PPP6R3: variants seen among roughly 807,000 people sequenced by gnomAD.
The protein encoded by PPP6R3 is protein phosphatase 6 regulatory subunit 3.
In PPP6R3, 38 loss-of-function variants were observed where a neutral mutation model predicts 110.7. The ratio of observed to expected loss-of-function variants is 0.34; its 90% confidence interval spans 0.26 to 0.45. PPP6R3 has a LOEUF of 0.45. PPP6R3 is among the 20% of genes least tolerant of loss of function. The pLI, the probability that PPP6R3 is intolerant of heterozygous loss-of-function variation, is 1.00. For missense variants in PPP6R3, 870 were observed against 1,062.4 expected (o/e 0.82, Z 2.52); for synonymous variants, 369 against 373.5 (o/e 0.99, Z 0.14).
intron 1 of PPP6R3, among the ~76,000 whole-genome samples, chr11:68,486,128 T>G (rs1591828784): frequency 6.6e-6 from 1 of 152,050 alleles, no homozygotes; most frequent in African/African-American, 2.4e-5. Flanking sequence ...TGGTATATAA[T>G]TTTTTATATA....
intron 22 of PPP6R3, among the ~76,000 whole-genome samples, chr11:68,604,003 TGA>T (rs1937846908): frequency 6.6e-6 from 1 of 152,098 alleles, no homozygotes; most frequent in African/African-American, 2.4e-5. Flanking sequence ...AACCTAAAAC[TGA>T]GAGAATAATG....
chr11:68,587,086 C>T (rs1054920426), intron 15 of PPP6R3: 1 of 152,028 alleles, frequency 6.6e-6, no homozygotes, highest in Non-Finnish European at 1.5e-5. Flanking sequence ...CTGATTAATA[C>T]GTAAGAACAT....
At chr11:68,599,001 T>C (rs1194719959) in intron 19 of PPP6R3, among the ~76,000 whole-genome samples, 1 of 152,204 alleles carries the variant, frequency 6.6e-6, no homozygotes, top group Non-Finnish European at 1.5e-5. Context: ...GCTAAGTGAA[T>C]AGTCATTATG....
intron 1 of PPP6R3, among the ~76,000 whole-genome samples, chr11:68,511,075 T>TC (rs1193675236): frequency 6.6e-6 from 1 of 151,874 alleles, no homozygotes; most frequent in Non-Finnish European, 1.5e-5. Context: ...GCATACTTTT[T>TC]TTTTTTTTTT....
In PPP6R3 at chr11:68,582,230, T is replaced by C. The variant is rs902006736; in HGVS notation, c.1546-813T>C. On this transcript the variant is annotated intron_variant, in intron 14 of 23. Coordinates refer to ENST00000393800, the MANE Select transcript of PPP6R3 (RefSeq NM_001164161.2). Reference sequence around the variant, plus strand: ...AAGTTACCCGCAGAAATATAGTACTTCTTTCTAGAAGTTTACAAACTGTCC... The same window carrying C: ...AAGTTACCCGCAGAAATATAGTACTCCTTTCTAGAAGTTTACAAACTGTCC... Among the ~76,000 whole-genome samples the C allele has an allele frequency of 2.6e-5, 4 of 152,348 alleles. No individual in the cohort carries two copies. In the South Asian group the frequency reaches 6.2e-4, roughly 24 times the overall value.
intron 22 of PPP6R3, among the ~76,000 whole-genome samples, chr11:68,607,029 GTC>G (rs1940498851): frequency 6.6e-6 from 1 of 152,142 alleles, no homozygotes; most frequent in Non-Finnish European, 1.5e-5. Context: ...CTTAACCCAA[GTC>G]TCTATAGAGA....
chr11:68,463,772 C>T (rs624003), intron 1 of PPP6R3, among the ~76,000 whole-genome samples: 57,342 of 152,058 alleles, frequency 0.38, 11,908 homozygotes, highest in African/African-American at 0.54. Context: ...AAATGATTGT[C>T]TTTTGATTTA....
intron 22 of PPP6R3, among the ~76,000 whole-genome samples, chr11:68,605,734 C>G (rs1939333721): frequency 6.6e-6 from 1 of 152,130 alleles, no homozygotes; most frequent in South Asian, 2.1e-4. Flanking sequence ...AACCTTATAT[C>G]AATGAGAGAT....
Position 68,520,929 on chromosome 11 carries a change from G to C in PPP6R3, c.-7+1278G>C, listed in dbSNP as rs142326186. Among the ~76,000 whole-genome samples, 652 of 152,176 alleles carry C rather than the reference G, an allele frequency of 4.3e-3. 2 individuals carry two copies. Among genetic ancestry groups the C allele is most frequent in the African/African-American group, 0.014 (602 of 41,518 alleles). ...TGGGATTACAGGCGTGCACCACCACGCCCGGCTAATTTTTGTATTTTTTGT... is the reference window on the plus strand; with the variant it reads ...TGGGATTACAGGCGTGCACCACCACCCCCGGCTAATTTTTGTATTTTTTGT... On this transcript the variant is annotated intron_variant, in intron 2 of 23. Coordinates refer to ENST00000393800, the MANE Select transcript of PPP6R3 (RefSeq NM_001164161.2).
At chr11:68,473,836 C>T (rs946662988) in intron 1 of PPP6R3, among the ~76,000 whole-genome samples, 2 of 150,780 alleles carry the variant, frequency 1.3e-5, no homozygotes. Context: ...TACTTTTTGG[C>T]TGTTGTGAGT....
At chr11:68,542,028 G>A (rs1284214739) in intron 3 of PPP6R3, among the ~76,000 whole-genome samples, 2 of 151,956 alleles carry the variant, frequency 1.3e-5, no homozygotes, top group Admixed American at 6.6e-5. Context: ...GGAGTCAGGG[G>A]TGGTGTGGGG....
At chr11:68,482,477 A>G (rs1471146919) in intron 1 of PPP6R3, among the ~76,000 whole-genome samples, 2 of 151,356 alleles carry the variant, frequency 1.3e-5, no homozygotes, top group East Asian at 3.9e-4. Context: ...GAAATTGTGG[A>G]GTGTTTTGTT....
At chr11:68,534,407 C>T (rs1261078305) in intron 2 of PPP6R3, among the ~76,000 whole-genome samples, 1 of 152,180 alleles carries the variant, frequency 6.6e-6, no homozygotes, top group African/African-American at 2.4e-5. Context: ...TCATTCATAA[C>T]TGGCAGGCTG....
At chr11:68,522,116 T>C (rs776912252) in intron 2 of PPP6R3, among the ~76,000 whole-genome samples, 5 of 152,262 alleles carry the variant, frequency 3.3e-5, no homozygotes, top group Non-Finnish European at 7.3e-5. Context: ...TGATACTTGC[T>C]TTTTAGCATG....
intron 1 of PPP6R3, among the ~76,000 whole-genome samples, chr11:68,481,925 C>T (rs1001590958): frequency 6.6e-6 from 1 of 152,056 alleles, no homozygotes; most frequent in African/African-American, 2.4e-5. Context: ...AGCTGGGAAG[C>T]AGGGAGGCAG....
In PPP6R3 at chr11:68,614,401, T is replaced by G; in HGVS notation, c.*1284T>G. 7.8e-7 allele frequency: 1 copy of G among 1,284,608 alleles called. No homozygotes were observed. 79.6% of individuals were successfully genotyped at this position (1,284,608 alleles called of 1,614,324 possible). On this transcript the variant is annotated 3_prime_UTR_variant, in exon 24 of 24. Transcript: ENST00000393800. ...TTAAATTACTTCACCTCTTGCACTTTTAGATGCAAATCAGTTTTTCATTTC... is the reference window on the plus strand; with the variant it reads ...TTAAATTACTTCACCTCTTGCACTTGTAGATGCAAATCAGTTTTTCATTTC...
intron 1 of PPP6R3, among the ~76,000 whole-genome samples, chr11:68,511,224 G>C (rs767531677): frequency 6.6e-6 from 1 of 151,312 alleles, no homozygotes; most frequent in African/African-American, 2.4e-5. Context: ...GCGCCACCAC[G>C]TCCGGCTAAT....
intron 1 of PPP6R3, among the ~76,000 whole-genome samples, chr11:68,469,812 C>T (rs182296182): frequency 1.4e-3 from 217 of 152,272 alleles, no homozygotes; most frequent in African/African-American, 5.0e-3. Context: ...TAGAAGGTTG[C>T]CATACCTTTG....
Position 68,614,770 on chromosome 11 carries a change from G to A in PPP6R3, c.*1653G>A. ...GGGTGAGCCCCTCTCTGAAGAGACT[G>A]TCCTTGGGCCTCCTCTGGAAGCAGC... On this transcript the variant is annotated 3_prime_UTR_variant, in exon 24 of 24. Transcript: ENST00000393800. 6.5e-7 allele frequency: 1 copy of A among 1,542,246 alleles called. No individual in the cohort carries two copies. The highest frequency in any genetic ancestry group is 8.8e-7 in the Non-Finnish European group (1 of 1,140,110).
Sources: allele counts gnomAD v4.1 joint callset (sites outside exome capture counted in the v4.1 genomes callset), GRCh38; gene constraint gnomAD v4.1.1; transcripts MANE v1.5; gene names NCBI Gene and HGNC (gene_info 2026-07-23, HGNC 2026-07-21).